Variants in ROR1 observed in about 807,000 individuals in gnomAD.
ROR1 encodes the protein ROR family WNT receptor 1, also known as inactive tyrosine-protein kinase transmembrane receptor ROR1.
ROR1 carries 19 observed loss-of-function variants against 78.8 expected under a neutral mutation model. The observed-to-expected ratio is 0.24, with a 90% CI of 0.17 to 0.35. The LOEUF is 0.35. Among genes scored for constraint, ROR1 ranks in the 10% least tolerant of loss-of-function variants. ROR1 has a pLI of 1.00. For synonymous variants in ROR1, 386 were observed against 433.6 expected (o/e 0.89, Z 1.36); for missense variants, 917 against 1,177.8 (o/e 0.78, Z 3.24).
In ROR1 at chr1:63,774,219, G is replaced by C. The variant is rs1644596391; in HGVS notation, c.-199G>C. ...AGGCTGCAGCCAGAGGGCTGGGAAG[G>C]GATCGCGCTCGCGGCATCCAGAGGC... On this transcript the variant is annotated 5_prime_UTR_variant, in exon 1 of 9. Coordinates refer to ENST00000371079, the MANE Select transcript of ROR1 (RefSeq NM_005012.4). The surrounding 1 kb of genome is among the most constrained non-coding windows in gnomAD (Gnocchi z 5.7). 1 of 262,124 alleles carries C rather than the reference G, an allele frequency of 3.8e-6. No individual in the cohort carries two copies. Among genetic ancestry groups the C allele is most frequent in the African/African-American group, 2.3e-5 (1 of 43,588 alleles). The allele number at this position is 262,124 out of a possible 1,614,324, so 16.2% of individuals were successfully genotyped here. A position where few individuals can be genotyped will look rare whatever the true frequency, so the allele number is the denominator to read the frequency against.
intron 4 of ROR1, among the ~76,000 whole-genome samples, chr1:64,125,396 C>T (rs1276478554): frequency 6.6e-6 from 1 of 152,136 alleles, no homozygotes; most frequent in African/African-American, 2.4e-5. Context: ...TCACCTCTCA[C>T]CAAAGATGTT....
At chr1:64,064,053 G>T (rs964508699) in intron 4 of ROR1, among the ~76,000 whole-genome samples, 1 of 152,144 alleles carries the variant, frequency 6.6e-6, no homozygotes, top group Non-Finnish European at 1.5e-5. Flanking sequence ...GCATCATCAG[G>T]ATCCAATCAG....
At chr1:63,977,493 C>G (rs1646171648) in intron 1 of ROR1, among the ~76,000 whole-genome samples, 1 of 152,062 alleles carries the variant, frequency 6.6e-6, no homozygotes, top group South Asian at 2.1e-4. Context: ...CTCAGCAGCT[C>G]TGGAAAATTA....
intron 7 of ROR1, among the ~76,000 whole-genome samples, chr1:64,156,924 A>G (rs1251245748): frequency 6.6e-6 from 1 of 152,178 alleles, no homozygotes; most frequent in East Asian, 1.9e-4. Context: ...ATGGAATCCC[A>G]GCTTTTGACT....
intron 1 of ROR1, among the ~76,000 whole-genome samples, chr1:64,003,759 A>T (rs1570043901): frequency 6.6e-6 from 1 of 152,308 alleles, no homozygotes; most frequent in East Asian, 1.9e-4. Flanking sequence ...TTTTCCAAAC[A>T]GGCGCCTTTG....
At chr1:64,133,714 C>T (rs1367435913) in intron 4 of ROR1, among the ~76,000 whole-genome samples, 1 of 152,242 alleles carries the variant, frequency 6.6e-6, no homozygotes, top group East Asian at 1.9e-4. Context: ...TTTCACAATG[C>T]ACTTTTCTTC....
intron 4 of ROR1, chr1:64,106,585 G>A (rs1647821067): frequency 6.6e-6 from 1 of 152,124 alleles, no homozygotes; most frequent in African/African-American, 2.4e-5. Flanking sequence ...ATATGATATT[G>A]GCTGTGGGTT....
At chr1:63,953,577 A>T (rs1334634113) in intron 1 of ROR1, among the ~76,000 whole-genome samples, 1 of 152,186 alleles carries the variant, frequency 6.6e-6, no homozygotes, top group Non-Finnish European at 1.5e-5. Context: ...TGCCTACCCT[A>T]GTGGTGCTTG....
At position 64,050,046 on chromosome 1, in the gene ROR1, C is replaced by T. The variant is rs1050321535; in HGVS notation, c.451+68C>T. On this transcript the variant is annotated intron_variant, in intron 3 of 8. Coordinates refer to ENST00000371079, the MANE Select transcript of ROR1 (RefSeq NM_005012.4). ...AATGTGGTAGGATGGCTAGAGTCCA[C>T]AGGGACAGGAAGGAAGGAATGCACA... 15 of 1,540,954 alleles carry T rather than the reference C, an allele frequency of 9.7e-6. No homozygotes were observed. The Admixed American group carries it at 2.6e-4, about 27-fold the overall frequency.
intron 8 of ROR1, among the ~76,000 whole-genome samples, chr1:64,164,150 C>T (rs1650021397): frequency 6.6e-6 from 1 of 152,134 alleles, no homozygotes; most frequent in Non-Finnish European, 1.5e-5. Flanking sequence ...CTCTCATTCT[C>T]TTGAGCTGAT....
intron 1 of ROR1, among the ~76,000 whole-genome samples, chr1:63,837,081 G>A (rs781678778): frequency 2.8e-4 from 42 of 152,154 alleles, no homozygotes; most frequent in Non-Finnish European, 4.3e-4. Context: ...GTAGTCAAGC[G>A]TCTGTACTTT....
chr1:64,032,305 C>T (rs1646667572), intron 2 of ROR1, among the ~76,000 whole-genome samples: 1 of 128,320 alleles, frequency 7.8e-6, no homozygotes, highest in Admixed American at 9.7e-5. Context: ...TGTGCCACTG[C>T]AGTCCAGCCC....
chr1:64,097,948 A>G (rs1336391031), intron 4 of ROR1, among the ~76,000 whole-genome samples: 2 of 152,150 alleles, frequency 1.3e-5, no homozygotes, highest in Non-Finnish European at 1.5e-5. Context: ...GGACAAATTT[A>G]TGCAAAAGGC....
At chr1:64,025,706 C>T (rs774334191) in intron 2 of ROR1, among the ~76,000 whole-genome samples, 4 of 152,074 alleles carry the variant, frequency 2.6e-5, no homozygotes, top group Admixed American at 6.6e-5. Context: ...GAATTAATGA[C>T]ATTTGAAGCA....
chr1:63,866,697 A>G (rs951546602), intron 1 of ROR1, among the ~76,000 whole-genome samples: 2 of 152,004 alleles, frequency 1.3e-5, no homozygotes, highest in Non-Finnish European at 2.9e-5. Context: ...AGATATAGTT[A>G]TGGATCTATT....
chr1:64,092,846 A>G (rs1181387151), intron 4 of ROR1, among the ~76,000 whole-genome samples: 2 of 152,164 alleles, frequency 1.3e-5, no homozygotes. Flanking sequence ...TCTGCTTTTC[A>G]TTCTGCTTCC....
intron 7 of ROR1, among the ~76,000 whole-genome samples, chr1:64,154,063 A>G (rs1216241399): frequency 1.3e-5 from 2 of 152,218 alleles, no homozygotes; most frequent in African/African-American, 4.8e-5. Context: ...TGCTCTCCCT[A>G]ACTTATTGTA....
At chr1:63,814,165 C>T (rs866597987) in intron 1 of ROR1, among the ~76,000 whole-genome samples, 3 of 152,154 alleles carry the variant, frequency 2.0e-5, no homozygotes, top group East Asian at 3.9e-4. Flanking sequence ...CTTTTGTTTC[C>T]GTGGAAGAAG....
intron 1 of ROR1, among the ~76,000 whole-genome samples, chr1:63,872,493 T>C (rs1645258392): frequency 6.6e-6 from 1 of 152,014 alleles, no homozygotes; most frequent in Non-Finnish European, 1.5e-5. Context: ...AAACACTTAG[T>C]AGAGGTGATA....
Sources: allele counts gnomAD v4.1 joint callset (sites outside exome capture counted in the v4.1 genomes callset), GRCh38; gene constraint gnomAD v4.1.1; non-coding constraint Gnocchi (gnomAD v3.1); transcripts MANE v1.5; gene names NCBI Gene and HGNC (gene_info 2026-07-23, HGNC 2026-07-21).